Variants in DIAPH2 observed in about 807,000 individuals in gnomAD.
The protein encoded by DIAPH2 is diaphanous related formin 2, also known as protein diaphanous homolog 2.
Under a neutral mutation model 92.7 loss-of-function variants are expected in DIAPH2, and 35 were observed. That is an observed-to-expected ratio of 0.38 (90% CI 0.29 to 0.50). The LOEUF is 0.50. Among genes scored for constraint, DIAPH2 ranks in the 20% least tolerant of loss-of-function variants. The probability of loss-of-function intolerance (pLI) is 0.94; values close to 1 mark genes in which losing one functional copy is unlikely to be tolerated. For missense variants in DIAPH2, 701 were observed against 819.5 expected, an observed-to-expected ratio of 0.86 and a Z score of 1.77; for synonymous variants, 301 against 280.4, an observed-to-expected ratio of 1.07 and a Z score of -0.73.
At chrX:97,428,101 A>ATT (rs374396983) in intron 25 of DIAPH2, among the ~76,000 whole-genome samples, 2 of 104,720 alleles carry the variant, frequency 1.9e-5, no homozygotes, top group African/African-American at 6.9e-5. Context: ...GTTTCTCTTC[A>ATT]TTTTTTTTTT....
intron 13 of DIAPH2, among the ~76,000 whole-genome samples, chrX:96,944,535 C>T (rs746300866): frequency 8.9e-6 from 1 of 112,216 alleles, no homozygotes; most frequent in African/African-American, 3.2e-5. Flanking sequence ...ATCTTCCCAT[C>T]CTGGGATATT....
At chrX:96,996,992 G>A (rs1358992748) in intron 17 of DIAPH2, among the ~76,000 whole-genome samples, 2 of 111,648 alleles carry the variant, frequency 1.8e-5, no homozygotes, top group East Asian at 2.8e-4. Context: ...TATATTTTGC[G>A]AACAGTCAGA....
intron 19 of DIAPH2, among the ~76,000 whole-genome samples, chrX:97,086,649 T>C (rs2066785136): frequency 1.2e-5 from 1 of 83,666 alleles, no homozygotes; most frequent in African/African-American, 4.8e-5. Context: ...ACCATAAATA[T>C]ATCCTTTTTG....
intron 22 of DIAPH2, among the ~76,000 whole-genome samples, chrX:97,185,464 TA>T (rs747018652): frequency 0.019 from 882 of 45,760 alleles, 55 homozygotes; most frequent in Non-Finnish European, 0.026. Context: ...TGTATATATA[TA>T]TATATACACA....
intron 23 of DIAPH2, among the ~76,000 whole-genome samples, chrX:97,300,931 TAAAAAAAAAAAAA>T (rs774601881): frequency 1.9e-4 from 2 of 10,793 alleles, no homozygotes; most frequent in African/African-American, 6.0e-4. Context: ...GACTCCGTCT[TAAAAAAAAAAAAA>T]AAAAAAAAAA....
chrX:96,703,557 TC>T (rs1464411411), intron 1 of DIAPH2, among the ~76,000 whole-genome samples: 1 of 111,308 alleles, frequency 9.0e-6, no homozygotes, highest in Non-Finnish European at 1.9e-5. Flanking sequence ...GTTTTTTTCC[TC>T]CACAAATAGA....
intron 26 of DIAPH2, among the ~76,000 whole-genome samples, chrX:97,565,075 C>G (rs2071317328): frequency 8.9e-6 from 1 of 111,910 alleles, no homozygotes; most frequent in Non-Finnish European, 1.9e-5. Context: ...CTACTTTGGA[C>G]TCCACCTGCA....
intron 17 of DIAPH2, among the ~76,000 whole-genome samples, chrX:96,979,043 A>G (rs2065978798): frequency 9.0e-6 from 1 of 111,647 alleles, no homozygotes; most frequent in Non-Finnish European, 1.9e-5. Flanking sequence ...CAAGGAGTGA[A>G]GACAAAGAAT....
intron 23 of DIAPH2, among the ~76,000 whole-genome samples, chrX:97,277,655 C>T (rs1249558866): frequency 1.8e-5 from 2 of 111,386 alleles, no homozygotes; most frequent in Non-Finnish European, 3.8e-5. Context: ...CCAGCTAAAT[C>T]CTCTCCCAAC....
chrX:97,258,070 G>C (rs747866296), intron 23 of DIAPH2, among the ~76,000 whole-genome samples: 27 of 110,957 alleles, frequency 2.4e-4, no homozygotes, highest in African/African-American at 8.9e-4. Context: ...ACCAGTAAAG[G>C]GCACATTTTT....
chrX:96,947,270 G>A (rs1470542757), intron 14 of DIAPH2, among the ~76,000 whole-genome samples: 1 of 111,535 alleles, frequency 9.0e-6, no homozygotes, highest in Non-Finnish European at 1.9e-5. Flanking sequence ...AGGAAAAAAT[G>A]TGTATAGTGT....
chrX:96,811,996 C>G (rs1321700426), intron 4 of DIAPH2, among the ~76,000 whole-genome samples: 1 of 111,178 alleles, frequency 9.0e-6, no homozygotes, highest in Non-Finnish European at 1.9e-5. Flanking sequence ...TTTGTTGTGT[C>G]TCTGCCAGGC....
chrX:96,857,107 A>G (rs960953969), intron 4 of DIAPH2, among the ~76,000 whole-genome samples: 4 of 111,491 alleles, frequency 3.6e-5, no homozygotes, highest in African/African-American at 6.5e-5. Context: ...AAAGGTCTGC[A>G]TATTCTCACA....
At chrX:96,771,653 AT>A (rs776488250) in intron 4 of DIAPH2, among the ~76,000 whole-genome samples, 1 of 111,203 alleles carries the variant, frequency 9.0e-6, no homozygotes, top group Non-Finnish European at 1.9e-5. Flanking sequence ...TAACAGAGGG[AT>A]TTTTTTTATG....
At chrX:96,822,637 C>A (rs1309017233) in intron 4 of DIAPH2, among the ~76,000 whole-genome samples, 1 of 111,463 alleles carries the variant, frequency 9.0e-6, no homozygotes, top group Non-Finnish European at 1.9e-5. Flanking sequence ...AAATATAAAA[C>A]CATACACAAA....
intron 23 of DIAPH2, among the ~76,000 whole-genome samples, chrX:97,315,905 T>G (rs753546259): frequency 8.9e-6 from 1 of 111,798 alleles, no homozygotes; most frequent in African/African-American, 3.3e-5. Flanking sequence ...TGAGTTCTAT[T>G]AAACTATTTT....
chrX:96,926,766 C>A (rs1033063816), intron 9 of DIAPH2, among the ~76,000 whole-genome samples: 1 of 111,297 alleles, frequency 9.0e-6, no homozygotes, highest in African/African-American at 3.3e-5. Context: ...AATCTTATGA[C>A]ATCACTGAAT....
intron 26 of DIAPH2, among the ~76,000 whole-genome samples, chrX:97,522,178 C>T (rs1390572068): frequency 8.9e-6 from 1 of 112,142 alleles, no homozygotes; most frequent in African/African-American, 3.2e-5. Context: ...TTCTACTATA[C>T]CATAATATAG....
intron 21 of DIAPH2, among the ~76,000 whole-genome samples, chrX:97,130,797 C>T (rs1176286685): frequency 9.0e-6 from 1 of 111,059 alleles, no homozygotes; most frequent in Admixed American, 9.6e-5. Context: ...GAGACTGAGG[C>T]AGGATTGCTT....
Sources: gnomAD v4.1 joint callset for allele counts (sites outside exome capture counted in the v4.1 genomes callset) on GRCh38, gnomAD v4.1.1 for gene constraint, MANE v1.5 for transcripts, NCBI Gene and HGNC (gene_info 2026-07-23, HGNC 2026-07-21) for gene names.